TNXB: variants seen among roughly 807,000 people sequenced by gnomAD.
The protein encoded by TNXB is tenascin XB.
Under a neutral mutation model 340.5 loss-of-function variants are expected in TNXB, and 183 were observed. The observed-to-expected ratio is 0.54, with a 90% CI of 0.48 to 0.61. The LOEUF (loss-of-function observed/expected upper bound fraction) is 0.61, where lower values mean the gene tolerates loss of function less well. Among genes scored for constraint, TNXB ranks in the 20% least tolerant of loss-of-function variants. TNXB has a pLI of 0.00. For missense variants in TNXB, 4,613 were observed against 5,446.4 expected (o/e 0.85, Z 4.82); for synonymous variants, 2,121 against 2,314.5 (o/e 0.92, Z 2.40).
In TNXB at chr6:32,096,384, C is replaced by T. The variant is rs118086587; in HGVS notation, c.1469G>A (p.Arg490Gln). The T allele has an allele frequency of 4.7e-3, 7,338 of 1,560,144 alleles. 148 individuals are homozygous for T. The highest frequency in any genetic ancestry group is 0.042 in the Admixed American group (2,254 of 54,100). The change falls in exon 3 of 44, where the codon CGG becomes CAG. Residue 490 changes from arginine (R) to glutamine (Q), a missense_variant. Coordinates refer to ENST00000644971, the MANE Select transcript of TNXB (RefSeq NM_001365276.2). ...RCMCWPGYTG[R>Q]DCGTRACPGD... ...AGGACAGGCGCGCGTGCCGCAGTCC[C>T]GGCCTGTGTACCCCGGCCAACACAT...
rs1639176771 is a variant in TNXB at position 32,058,800 on chromosome 6, A to G, written c.7493-410T>C. On this transcript the variant is annotated intron_variant, in intron 21 of 43. Transcript: ENST00000644971. This position sits in a 1 kb window ranked among gnomAD's most constrained non-coding sequence, Gnocchi z 5.1. ...CAGGAACACAAATGACCCGTAGAAG[A>G]TGATTAATTTTGTTATAGTGCTTTC... 6.6e-6 allele frequency among the ~76,000 whole-genome samples: 1 copy of G among 151,924 alleles called. No individual in the cohort carries two copies. Among genetic ancestry groups the G allele is most frequent in the Admixed American group, 6.5e-5 (1 of 15,276 alleles).
At position 32,049,505 on chromosome 6, in the gene TNXB, C is replaced by A; in HGVS notation, c.9522G>T (p.Val3174=). 1.2e-6 allele frequency: 2 copies of A among 1,612,562 alleles called. No individual in the cohort carries two copies. The highest frequency in any genetic ancestry group is 2.2e-5 in the South Asian group (2 of 91,060). The change falls in exon 28 of 44, where the codon GTG becomes GTT. Residue 3174 remains valine (V), a synonymous_variant. Transcript: ENST00000644971. This position sits in a 1 kb window ranked among gnomAD's most constrained non-coding sequence, Gnocchi z 4.5. ...PEEPLLGELT[V]TGSSPDSLSL... ...TCAGCGAGTCAGGGGAGGATCCTGT[C>A]ACTGTCAACTCCCCCAGGAGCGGCT... is the stretch of plus-strand genomic sequence containing the variant.
In TNXB at chr6:32,096,771, G is replaced by A; in HGVS notation, c.1082C>T (p.Pro361Leu). The A allele has an allele frequency of 6.4e-7, 1 of 1,565,328 alleles. No individual in the cohort carries two copies. Among genetic ancestry groups the A allele is most frequent in the South Asian group, 1.2e-5 (1 of 85,152 alleles). Reference sequence around the variant, plus strand: ...GCTGCAGTCCTCGCCTGTGTACCCGGGCCAGCACACGCAGCGGCCGTCCAC... The same window carrying A: ...GCTGCAGTCCTCGCCTGTGTACCCGAGCCAGCACACGCAGCGGCCGTCCAC... The part of the protein sequence containing the change: ...RCVDGRCVCW[P>L]GYTGEDCSTR... The change falls in exon 3 of 44, where the codon CCC becomes CTC. Residue 361 changes from proline to leucine, a missense_variant. Physicochemically the swap from Pro to Leu is moderately conservative, Grantham distance 98. Transcript: ENST00000644971.
Position 32,061,256 on chromosome 6 carries a change from A to C in TNXB, c.7492+141T>G. On this transcript the variant is annotated intron_variant, in intron 21 of 43. Transcript: ENST00000644971. The surrounding 1 kb of genome is among the most constrained non-coding windows in gnomAD (Gnocchi z 4.4). Reference sequence around the variant, plus strand: ...AAGTGAACAAGCAAACCGCTAGCATAGGCCACAGCCACAGGGCACAGAGGG... The same window carrying C: ...AAGTGAACAAGCAAACCGCTAGCATCGGCCACAGCCACAGGGCACAGAGGG... 1.5e-6 allele frequency: 2 copies of C among 1,313,380 alleles called. No homozygotes were observed. Among genetic ancestry groups the C allele is most frequent in the Non-Finnish European group, 2.1e-6 (2 of 967,400 alleles). The allele number at this position is 1,313,380 out of a possible 1,614,324, so 81.4% of individuals were successfully genotyped here.
In TNXB at chr6:32,055,851, C is replaced by T. The variant is rs1293532324; in HGVS notation, c.8467G>A (p.Ala2823Thr). Residue 2823 changes from alanine to threonine, a missense_variant and splice_region_variant, in exon 24 of 44, where the codon GCT becomes ACT. Ala to Thr is a moderately conservative substitution (Grantham distance 58, BLOSUM62 0). This residue lies in a region of TNXB where 4,327 missense variants were observed against 4,859.4 expected (regional missense o/e 0.89). Coordinates refer to ENST00000644971, the MANE Select transcript of TNXB (RefSeq NM_001365276.2). The part of the protein sequence containing the change: ...VGPVSTVGVT[A>T]PEDEAETTQA... The stretch of plus-strand genomic sequence containing the variant: ...ATCTTCCTCACTCACAAACACTCAC[C>T]TGTCACACCCACGGTGGACACCGGG... 1.2e-6 allele frequency: 2 copies of T among 1,609,450 alleles called. No homozygotes were observed. The highest frequency in any genetic ancestry group is 1.3e-5 in the African/African-American group (1 of 74,856).
Position 32,096,020 on chromosome 6 carries a change from G to A in TNXB, c.1833C>T (p.Tyr611=), listed in dbSNP as rs767856741. ...QDGVCICWEG[Y]VSEDCSIRTC... ...TGCGGATGCTGCAGTCCTCACTCAC[G>A]TAGCCTTCCCAACAGATGCACACAC... Residue 611 remains tyrosine (Y), a synonymous_variant, in exon 3 of 44, where the codon TAC becomes TAT. Coordinates refer to ENST00000644971, the MANE Select transcript of TNXB (RefSeq NM_001365276.2). 38 of 1,612,988 alleles carry A rather than the reference G, an allele frequency of 2.4e-5. No individual in the cohort carries two copies. In the South Asian group the frequency reaches 3.5e-4, roughly 15 times the overall value.
In TNXB at chr6:32,067,560, A is replaced by G; in HGVS notation, c.6544+101T>C. 7.0e-7 allele frequency: 1 copy of G among 1,429,008 alleles called. No homozygotes were observed. The allele number at this position is 1,429,008 out of a possible 1,614,324, so 88.5% of individuals were successfully genotyped here. On this transcript the variant is annotated intron_variant, in intron 18 of 43. Coordinates refer to ENST00000644971, the MANE Select transcript of TNXB (RefSeq NM_001365276.2). The surrounding 1 kb of genome is among the most constrained non-coding windows in gnomAD (Gnocchi z 4.2). The stretch of plus-strand genomic sequence containing the variant: ...GAGCCTTTAGTGAACAGGGTGTATT[A>G]CAGGTTTGAGGTCTTGGGGTTCTGG...
Position 32,096,992 on chromosome 6 carries a change from C to A in TNXB, c.861G>T (p.Arg287Ser), listed in dbSNP as rs1406340228. 1 of 1,612,930 alleles carries A rather than the reference C, an allele frequency of 6.2e-7. No individual in the cohort carries two copies. The highest frequency in any genetic ancestry group is 1.3e-5 in the African/African-American group (1 of 74,732). ...CGCAGCGCCCATTCTCACAGCGCCC[C>A]CTCTGACTGCAACCGCGAGGGCAGC... Reference protein sequence around the residue: ...MRSCPRGCSQRGRCENGRCVC... With the variant: ...MRSCPRGCSQSGRCENGRCVC... The change falls in exon 3 of 44, where the codon AGG becomes AGT. Residue 287 changes from arginine (R) to serine (S), a missense_variant. Physicochemically the swap from Arg to Ser is moderately radical, Grantham distance 110 (BLOSUM62 -1). Coordinates refer to ENST00000644971, the MANE Select transcript of TNXB (RefSeq NM_001365276.2).
rs1395602232 is a variant in TNXB, at chr6:32,083,671, G to T, written c.3445+742C>A. On this transcript the variant is annotated intron_variant, in intron 8 of 43. Transcript: ENST00000644971. The surrounding 1 kb of genome is among the most constrained non-coding windows in gnomAD (Gnocchi z 4.6). The stretch of plus-strand genomic sequence containing the variant: ...TCATTTTTCTTTTTTTTGAGACAGG[G>T]TGTTGCTCTGTGCAGAGTGTGGATA... Among the ~76,000 whole-genome samples the T allele has an allele frequency of 1.3e-5, 2 of 151,998 alleles. No homozygotes were observed. The highest frequency in any genetic ancestry group is 2.4e-5 in the African/African-American group (1 of 41,374).
chr6:32,103,429 C>CA (rs9281651), intron 1 of TNXB, among the ~76,000 whole-genome samples: 70,772 of 129,410 alleles, frequency 0.55, 18,952 homozygotes, highest in Middle Eastern at 0.67. Context: ...GACTCCATCT[C>CA]AAAAAAAAAA....
At chr6:32,078,723 G>A (rs1052386239) in intron 11 of TNXB, 30 of 384,508 alleles carry the variant, frequency 7.8e-5, no homozygotes, top group Admixed American at 4.6e-5. Flanking sequence ...AGCAGACACT[G>A]GCAGCATATT....
Position 32,072,139 on chromosome 6 carries a change from C to T in TNXB, c.4841G>A (p.Arg1614Lys). ...GGGCACCACCTGGGGCTGCCCGTCC[C>T]TGTCCTTGTACTGAACCACAAAGGA... ...FDSFVVQYKD[R>K]DGQPQVVPVA... Residue 1614 changes from arginine to lysine, a missense_variant, in exon 13 of 44, where the codon AGG becomes AAG. Coordinates refer to ENST00000644971, the MANE Select transcript of TNXB (RefSeq NM_001365276.2). The surrounding 1 kb of genome is among the most constrained non-coding windows in gnomAD (Gnocchi z 4.4). The T allele has an allele frequency of 6.2e-7, 1 of 1,613,574 alleles. No individual in the cohort carries two copies. The highest frequency in any genetic ancestry group is 8.5e-7 in the Non-Finnish European group (1 of 1,179,692).
chr6:32,069,264 A>G lies in TNXB; in HGVS notation c.5588-128T>C, dbSNP rs1270506370. On this transcript the variant is annotated intron_variant, in intron 15 of 43. Coordinates refer to ENST00000644971, the MANE Select transcript of TNXB (RefSeq NM_001365276.2). This position sits in a 1 kb window ranked among gnomAD's most constrained non-coding sequence, Gnocchi z 6.2. Reference sequence around the variant, plus strand: ...ATCGAAAGACCAGCTTTTGCTGCACATGGGTGAATTTCAAAAGCATTGTGC... The same window carrying G: ...ATCGAAAGACCAGCTTTTGCTGCACGTGGGTGAATTTCAAAAGCATTGTGC... The G allele has an allele frequency of 1.0e-6, 1 of 957,014 alleles. No individual in the cohort carries two copies. Among genetic ancestry groups the G allele is most frequent in the Non-Finnish European group, 1.5e-6 (1 of 661,726 alleles). The allele number at this position is 957,014 out of a possible 1,614,324, so 59.3% of individuals were successfully genotyped here.
In TNXB at chr6:32,062,259, C is replaced by A; in HGVS notation, c.7066G>T (p.Val2356Phe). 1.2e-6 allele frequency: 2 copies of A among 1,613,338 alleles called. No individual in the cohort carries two copies. The highest frequency in any genetic ancestry group is 1.7e-6 in the Non-Finnish European group (2 of 1,179,860). The stretch of plus-strand genomic sequence containing the variant: ...TCTGGCTCCAGGCCGGAGATGGTGA[C>A]CCTGTCCTCATGTCCTGGCACCCGT... ...ATRVPGHEDR[V>F]TISGLEPDNK... Residue 2356 changes from valine to phenylalanine, a missense_variant, in exon 20 of 44, where the codon GTC becomes TTC. By Grantham distance (50) the Val-to-Phe change is conservative. Transcript: ENST00000644971. The surrounding 1 kb of genome is among the most constrained non-coding windows in gnomAD (Gnocchi z 4.3).
chr6:32,063,137 C>T (rs180722968), intron 19 of TNXB, among the ~76,000 whole-genome samples: 26 of 152,188 alleles, frequency 1.7e-4, no homozygotes, highest in South Asian at 1.2e-3. Context: ...CCTGTAATCC[C>T]AGCACTTTGG....
At chr6:32,088,419 C>A (rs1359891340) in intron 6 of TNXB, among the ~76,000 whole-genome samples, 5 of 152,194 alleles carry the variant, frequency 3.3e-5, no homozygotes, top group African/African-American at 7.2e-5. Flanking sequence ...GACTGATGAT[C>A]TCTAATCTGC....
intron 24 of TNXB, among the ~76,000 whole-genome samples, chr6:32,054,173 AC>A (rs1167207857): frequency 6.6e-6 from 1 of 151,492 alleles, no homozygotes; most frequent in Non-Finnish European, 1.5e-5. Flanking sequence ...TTCCCTGGAT[AC>A]CTTCCTCCCC....
rs759341460 is a variant in TNXB, at chr6:32,055,997, T to C, written c.8321A>G (p.Asp2774Gly). ...GACACGCATCACCTGGGGCCGCCCGTCCCTGTCCTTGTACTGCACGGTGAA... is the reference window on the plus strand; with the variant it reads ...GACACGCATCACCTGGGGCCGCCCGCCCCTGTCCTTGTACTGCACGGTGAA... ...DSFTVQYKDR[D>G]GRPQVMRVRG... is the part of the protein sequence containing the mutation. Residue 2774 changes from aspartate to glycine, a missense_variant, in exon 24 of 44, where the codon GAC (aspartate) becomes GGC (glycine). By Grantham distance (94) the Asp-to-Gly change is moderately conservative. Transcript: ENST00000644971. 47 of 1,613,164 alleles carry C rather than the reference T, an allele frequency of 2.9e-5. No homozygotes were observed. The South Asian group carries it at 5.1e-4, about 17-fold the overall frequency.
In TNXB at chr6:32,046,152, A is replaced by G. The variant is rs1364717809; in HGVS notation, c.10606+23T>C. On this transcript the variant is annotated intron_variant, in intron 31 of 43. Coordinates refer to ENST00000644971, the MANE Select transcript of TNXB (RefSeq NM_001365276.2). This position sits in a 1 kb window ranked among gnomAD's most constrained non-coding sequence, Gnocchi z 6.9. Reference sequence around the variant, plus strand: ...GGAAACCCACACAAGCTGGCTTGCTATAGCCAGGCACAGCAGCCTCACCTG... The same window carrying G: ...GGAAACCCACACAAGCTGGCTTGCTGTAGCCAGGCACAGCAGCCTCACCTG... 6 of 1,572,160 alleles carry G rather than the reference A, an allele frequency of 3.8e-6. No homozygotes were observed. Among genetic ancestry groups the G allele is most frequent in the Non-Finnish European group, 5.2e-6 (6 of 1,153,520 alleles).
Sources: allele counts gnomAD v4.1 joint callset (sites outside exome capture counted in the v4.1 genomes callset), GRCh38; gene constraint gnomAD v4.1.1; regional missense constraint gnomAD v4.1.1; non-coding constraint Gnocchi (gnomAD v3.1); transcripts MANE v1.5; gene names NCBI Gene and HGNC (gene_info 2026-07-23, HGNC 2026-07-21).